Variants in CNTNAP5 observed in about 807,000 individuals in gnomAD.
CNTNAP5 encodes contactin associated protein family member 5.
A neutral mutation model predicts 150.2 loss-of-function variants in CNTNAP5; 72 were observed. The ratio of observed to expected loss-of-function variants is 0.48; its 90% confidence interval spans 0.40 to 0.58. CNTNAP5 has a LOEUF of 0.58. Among genes scored for constraint, CNTNAP5 ranks in the 20% least tolerant of loss-of-function variants. The pLI, the probability that CNTNAP5 is intolerant of heterozygous loss-of-function variation, is 0.00. For missense variants in CNTNAP5, 1,636 were observed against 1,626.2 expected (o/e 1.01, Z -0.10); for synonymous variants, 672 against 619.8 (o/e 1.08, Z -1.25).
At chr2:124,674,779 AT>A (rs1451790981) in intron 13 of CNTNAP5, among the ~76,000 whole-genome samples, 1 of 151,840 alleles carries the variant, frequency 6.6e-6, no homozygotes, top group Non-Finnish European at 1.5e-5. Context: ...ATTTCCACTT[AT>A]TTGTAACCTT....
intron 13 of CNTNAP5, among the ~76,000 whole-genome samples, chr2:124,706,008 G>T (rs1259882750): frequency 6.6e-6 from 1 of 152,130 alleles, no homozygotes; most frequent in Non-Finnish European, 1.5e-5. Context: ...AGCTCATTCT[G>T]CCCAGGTCTC....
chr2:124,297,344 C>G (rs1324204012), intron 3 of CNTNAP5, among the ~76,000 whole-genome samples: 1 of 152,172 alleles, frequency 6.6e-6, no homozygotes, highest in Non-Finnish European at 1.5e-5. Context: ...GCCTGTCTCT[C>G]TCAATTTGAT....
chr2:124,830,720 G>C (rs1429458202), intron 19 of CNTNAP5, among the ~76,000 whole-genome samples: 1 of 151,918 alleles, frequency 6.6e-6, no homozygotes, highest in Non-Finnish European at 1.5e-5. Context: ...TGTTTTTCTG[G>C]ACCTTCAAGA....
chr2:124,116,358 G>A (rs1683428947), intron 1 of CNTNAP5, among the ~76,000 whole-genome samples: 1 of 152,190 alleles, frequency 6.6e-6, no homozygotes, highest in Non-Finnish European at 1.5e-5. Context: ...CTTTCTGTAG[G>A]AAGTGAAGAA....
At chr2:124,909,856 T>TATATATATATA (rs1406560740) in intron 22 of CNTNAP5, among the ~76,000 whole-genome samples, 1 of 144,300 alleles carries the variant, frequency 6.9e-6, no homozygotes, top group African/African-American at 2.5e-5. Context: ...TATATATATA[T>TATATATATATA]ATGTTCTTCT....
intron 3 of CNTNAP5, among the ~76,000 whole-genome samples, chr2:124,407,907 G>A (rs149183274): frequency 3.3e-5 from 5 of 152,118 alleles, no homozygotes; most frequent in Admixed American, 1.3e-4. Flanking sequence ...GAACAGCTCC[G>A]GTCTACAGCT....
chr2:124,671,242 C>T (rs1678817658), intron 13 of CNTNAP5, among the ~76,000 whole-genome samples: 1 of 152,164 alleles, frequency 6.6e-6, no homozygotes, highest in Non-Finnish European at 1.5e-5. Flanking sequence ...GGCATAGAAG[C>T]ACGTATCTGG....
intron 5 of CNTNAP5, among the ~76,000 whole-genome samples, chr2:124,435,609 T>G (rs754574006): frequency 2.0e-5 from 3 of 152,174 alleles, no homozygotes; most frequent in Non-Finnish European, 4.4e-5. Context: ...ATAGTTATCT[T>G]TTTGTCTTCA....
chr2:124,748,877 T>A (rs774598002), intron 14 of CNTNAP5, among the ~76,000 whole-genome samples: 1 of 152,238 alleles, frequency 6.6e-6, no homozygotes, highest in East Asian at 1.9e-4. Flanking sequence ...AAATCAGATA[T>A]AGTTAACCAC....
chr2:124,240,101 T>A (rs1320250293), intron 2 of CNTNAP5, among the ~76,000 whole-genome samples: 1 of 152,164 alleles, frequency 6.6e-6, no homozygotes, highest in Non-Finnish European at 1.5e-5. Flanking sequence ...TTCAGTTTCC[T>A]CAACTTTATG....
chr2:124,478,910 G>A (rs540608144), intron 7 of CNTNAP5, among the ~76,000 whole-genome samples: 7 of 152,278 alleles, frequency 4.6e-5, no homozygotes, highest in Non-Finnish European at 7.4e-5. Flanking sequence ...CTAACCTAAC[G>A]TATGCCTCTT....
intron 13 of CNTNAP5, among the ~76,000 whole-genome samples, chr2:124,682,960 GATC>G (rs1679103651): frequency 6.6e-6 from 1 of 152,230 alleles, no homozygotes; most frequent in South Asian, 2.1e-4. Context: ...CAACTGCAGT[GATC>G]ATCACACATT....
chr2:124,887,143 A>G (rs1378720303), intron 21 of CNTNAP5, among the ~76,000 whole-genome samples: 1 of 152,040 alleles, frequency 6.6e-6, no homozygotes, highest in Non-Finnish European at 1.5e-5. Context: ...TACTGTGGTG[A>G]CTGAAGCTGT....
intron 13 of CNTNAP5, among the ~76,000 whole-genome samples, chr2:124,702,366 T>G (rs986385123): frequency 3.8e-4 from 15 of 39,916 alleles, no homozygotes; most frequent in African/African-American, 1.4e-3. Context: ...TTTTTTTTTT[T>G]TTTTTTTTTT....
chr2:124,548,642 A>C (rs532471676), intron 10 of CNTNAP5, among the ~76,000 whole-genome samples: 1 of 152,178 alleles, frequency 6.6e-6, no homozygotes, highest in African/African-American at 2.4e-5. Flanking sequence ...AAAACAAAAC[A>C]GTTAAAAAAA....
intron 21 of CNTNAP5, among the ~76,000 whole-genome samples, chr2:124,870,907 C>T (rs779863860): frequency 6.6e-6 from 1 of 151,946 alleles, no homozygotes; most frequent in Non-Finnish European, 1.5e-5. Flanking sequence ...CTTGCTACAG[C>T]CCTCAAGCTT....
intron 1 of CNTNAP5, among the ~76,000 whole-genome samples, chr2:124,057,392 C>T (rs1681879979): frequency 6.7e-6 from 1 of 149,468 alleles, no homozygotes; most frequent in Admixed American, 6.7e-5. Context: ...CACCATTCTC[C>T]TGCCTCACCC....
At chr2:124,294,792 C>A (rs1011406276) in intron 3 of CNTNAP5, among the ~76,000 whole-genome samples, 10 of 152,188 alleles carry the variant, frequency 6.6e-5, no homozygotes, top group Non-Finnish European at 8.8e-5. Context: ...ATATATTACT[C>A]AGTATAATGC....
At chr2:124,483,430 C>A (rs1693803394) in intron 7 of CNTNAP5, among the ~76,000 whole-genome samples, 1 of 152,150 alleles carries the variant, frequency 6.6e-6, no homozygotes, top group South Asian at 2.1e-4. Context: ...TGCTGCATAC[C>A]CTCCATGCCT....
Sources: gnomAD v4.1 joint callset for allele counts (sites outside exome capture counted in the v4.1 genomes callset) on GRCh38, gnomAD v4.1.1 for gene constraint, MANE v1.5 for transcripts, NCBI Gene and HGNC (gene_info 2026-07-23, HGNC 2026-07-21) for gene names.